RELB: variants seen among roughly 807,000 people sequenced by gnomAD.
RELB encodes the protein RELB proto-oncogene, NF-kB subunit.
RELB carries 14 observed loss-of-function variants against 55.4 expected under a neutral mutation model. That is an observed-to-expected ratio of 0.25 (90% CI 0.17 to 0.40). The LOEUF (loss-of-function observed/expected upper bound fraction) is 0.40. RELB is among the 10% of genes least tolerant of loss of function. The pLI, the probability that RELB is intolerant of heterozygous loss-of-function variation, is 1.00. For synonymous variants in RELB, 409 were observed against 371.3 expected, an observed-to-expected ratio of 1.10 and a Z score of -1.17; for missense variants, 669 against 830.7, an observed-to-expected ratio of 0.81 and a Z score of 2.39.
chr19:45,007,186 A>G (rs1971292425), intron 2 of RELB, among the ~76,000 whole-genome samples: 1 of 152,044 alleles, frequency 6.6e-6, no homozygotes, highest in African/African-American at 2.4e-5. Context: ...CAGCACATAC[A>G]TAGTCAATTT....
chr19:45,017,451 A>AAAAAAAAAAAAAACAAAAAAAAACG, intron 4 of RELB, among the ~76,000 whole-genome samples: 1 of 149,056 alleles, frequency 6.7e-6, no homozygotes, highest in African/African-American at 2.5e-5. Context: ...AATCTGTCTA[A>AAAAAAAAAAAAAACAAAAAAAAACG]AAAAAAAAAA....
intron 7 of RELB, among the ~76,000 whole-genome samples, chr19:45,027,991 C>T (rs1971578080): frequency 6.6e-6 from 1 of 152,136 alleles, no homozygotes; most frequent in African/African-American, 2.4e-5. Context: ...GTGATCCTCC[C>T]AGTTCAGCCT....
chr19:45,023,430 TTCC>T (rs1971515068), intron 5 of RELB, among the ~76,000 whole-genome samples: 1 of 151,108 alleles, frequency 6.6e-6, no homozygotes, highest in Non-Finnish European at 1.5e-5. Flanking sequence ...CCTTCCTTCC[TTCC>T]GTCCTTCTTT....
chr19:45,010,855 T>C (rs1971342419), intron 3 of RELB, among the ~76,000 whole-genome samples: 1 of 151,300 alleles, frequency 6.6e-6, no homozygotes, highest in Non-Finnish European at 1.5e-5. Context: ...TTTTTGTATT[T>C]ATTTATCTAT....
Position 45,001,517 on chromosome 19 carries a change from G to A in RELB, c.-63G>A, listed in dbSNP as rs1172420577. 2.4e-4 allele frequency: 226 copies of A among 946,962 alleles called. No homozygotes were observed. Among genetic ancestry groups the A allele is most frequent in the Non-Finnish European group, 2.9e-4 (209 of 710,324 alleles). The allele number at this position is 946,962 out of a possible 1,614,324, so 58.7% of individuals were successfully genotyped here. A position where few individuals can be genotyped will look rare whatever the true frequency, so the allele number is the denominator to read the frequency against. On this transcript the variant is annotated 5_prime_UTR_variant, in exon 1 of 12. Coordinates refer to ENST00000221452, the MANE Select transcript of RELB (RefSeq NM_006509.4). ...GGCCTGCGGCCCCAGCCCTTGCGCCGCTCGTCCGACCCGCGATCGTCCACC... is the reference window on the plus strand; with the variant it reads ...GGCCTGCGGCCCCAGCCCTTGCGCCACTCGTCCGACCCGCGATCGTCCACC...
chr19:45,036,898 T>C (rs1348865580), intron 11 of RELB, among the ~76,000 whole-genome samples: 2 of 152,060 alleles, frequency 1.3e-5, no homozygotes, highest in Non-Finnish European at 2.9e-5. Context: ...GTGCTGGGAT[T>C]ACAGGTGTGA....
chr19:45,027,232 C>A (rs372020014), intron 7 of RELB, among the ~76,000 whole-genome samples: 659 of 125,006 alleles, frequency 5.3e-3, no homozygotes, highest in African/African-American at 6.0e-3. Context: ...GACTCCTTCT[C>A]AAAAAAAAAA....
intron 11 of RELB, 96 bp from the exon 12 acceptor site, chr19:45,037,309 A>T: frequency 1.3e-5 from 15 of 1,196,820 alleles, no homozygotes; most frequent in Non-Finnish European, 1.7e-5. Flanking sequence ...GGCCACCTTG[A>T]TATCACATTT....
At chr19:45,007,773 G>C (rs187866688) in intron 2 of RELB, among the ~76,000 whole-genome samples, 1 of 151,442 alleles carries the variant, frequency 6.6e-6, no homozygotes, top group East Asian at 1.9e-4. Flanking sequence ...CAGGAGAATC[G>C]CTAGAACCCG....
intron 2 of RELB, among the ~76,000 whole-genome samples, chr19:45,003,368 G>C (rs187005562): frequency 5.3e-5 from 8 of 151,018 alleles, no homozygotes; most frequent in African/African-American, 1.9e-4. Context: ...CCAGCTACTC[G>C]GGAGGCTGAG....
At chr19:45,022,711 C>T (rs1292414727) in intron 5 of RELB, among the ~76,000 whole-genome samples, 2 of 151,878 alleles carry the variant, frequency 1.3e-5, no homozygotes. Context: ...CTACACCCAG[C>T]GAATTTTTTG....
rs1372534689 is a variant in RELB, at chr19:45,001,612, C to G, written c.33C>G (p.Ser11=). The change falls in exon 1 of 12, where the codon TCC becomes TCG. Residue 11 remains serine (S), a synonymous_variant. Transcript: ENST00000221452. ...GGTCTGGGCCAGCCTCTGGGCCGTC[C>G]GTCCCCACTGGCCGGGCCATGCCGA... MLRSGPASGP[S]VPTGRAMPSR... is the part of the protein sequence containing the mutation. 2.0e-6 allele frequency: 3 copies of G among 1,516,082 alleles called. No individual in the cohort carries two copies. The highest frequency in any genetic ancestry group is 1.4e-5 in the African/African-American group (1 of 70,728). The allele number at this position is 1,516,082 out of a possible 1,614,324, so 93.9% of individuals were successfully genotyped here.
intron 4 of RELB, 149 bp from the exon 5 acceptor site, chr19:45,021,904 C>A (rs769502142): frequency 1.3e-6 from 1 of 766,244 alleles, no homozygotes; most frequent in Non-Finnish European, 2.0e-6. Context: ...CACATTCCAT[C>A]ATCCTGGTCG....
chr19:45,029,112 C>G, intron 8 of RELB, 120 bp downstream of exon 8: 1 of 696,810 alleles, frequency 1.4e-6, no homozygotes, highest in Non-Finnish European at 2.5e-6. Context: ...CACCAGAGTG[C>G]AAGGGTCCAG....
chr19:45,008,668 C>T, intron 2 of RELB: 3 of 394,346 alleles, frequency 7.6e-6, no homozygotes, highest in South Asian at 5.5e-5. Flanking sequence ...AAAGGTCTGG[C>T]TGCCAGGAGC....
chr19:45,037,508 C>T lies in RELB; in HGVS notation c.1458C>T (p.Asp486=), dbSNP rs77076601. The T allele has an allele frequency of 1.8e-3, 2,842 of 1,613,144 alleles. 39 individuals are homozygous for T. The African/African-American group carries it at 0.034, about 19-fold the overall frequency. ...LEPPGGPDLL[D]DGFAYDPTAP... is the part of the protein sequence containing the mutation. Reference sequence around the variant, plus strand: ...CCCCTGGCGGGCCTGACCTCCTGGACGATGGCTTTGCCTACGACCCTACGG... The same window carrying T: ...CCCCTGGCGGGCCTGACCTCCTGGATGATGGCTTTGCCTACGACCCTACGG... The change falls in exon 12 of 12, where the codon GAC becomes GAT. Residue 486 remains aspartate, a synonymous_variant. Coordinates refer to ENST00000221452, the MANE Select transcript of RELB (RefSeq NM_006509.4).
chr19:45,002,981 G>A lies in RELB; in HGVS notation c.139G>A (p.Val47Ile). ...SPDLSSLSLAVSRSTDELEII... is the reference protein window; with the variant it reads ...SPDLSSLSLAISRSTDELEII... ...CGACCTCTCCTCACTCTCGCTCGCC[G>A]TTTCCAGGAGCACAGGTGAGCAGCC... The change falls in exon 2 of 12, where the codon GTT (valine) becomes ATT (isoleucine). Residue 47 changes from valine to isoleucine, a missense_variant. By Grantham distance (29) the Val-to-Ile change is conservative. Around this residue, in one of 3 missense-constraint regions of RELB, gnomAD observed 323 missense variants for 368.5 expected, o/e 0.88. Transcript: ENST00000221452. 1 of 1,613,178 alleles carries A rather than the reference G, an allele frequency of 6.2e-7. No individual in the cohort carries two copies. The highest frequency in any genetic ancestry group is 8.5e-7 in the Non-Finnish European group (1 of 1,179,650).
chr19:45,029,326 T>C (rs1329441961), intron 8 of RELB, among the ~76,000 whole-genome samples: 3 of 152,158 alleles, frequency 2.0e-5, no homozygotes, highest in Admixed American at 2.0e-4. Context: ...ACGGTGGTTC[T>C]GATAAGCGCT....
Position 45,025,416 on chromosome 19 carries a change from C to T in RELB, c.750C>T (p.Tyr250=), listed in dbSNP as rs748813184. ...AGATTCAACTGGGCATTGACCCCTA[C>T]AACGGTGAGCACCCCCTGCCTGACC... ...ERKIQLGIDP[Y]NAGSLKNHQE... The change falls in exon 6 of 12, where the codon TAC becomes TAT. Residue 250 remains tyrosine (Y), a synonymous_variant. Coordinates refer to ENST00000221452, the MANE Select transcript of RELB (RefSeq NM_006509.4). The T allele has an allele frequency of 7.5e-6, 12 of 1,610,498 alleles. No individual in the cohort carries two copies. The highest frequency in any genetic ancestry group is 1.6e-4 in the Middle Eastern group (1 of 6,080).
Sources: gnomAD v4.1 joint callset for allele counts (sites outside exome capture counted in the v4.1 genomes callset) on GRCh38, gnomAD v4.1.1 for gene constraint, gnomAD v4.1.1 regional missense constraint, MANE v1.5 for transcripts, NCBI Gene and HGNC (gene_info 2026-07-23, HGNC 2026-07-21) for gene names.